Variants in CYP2F1 observed in about 807,000 individuals in gnomAD.
The protein encoded by CYP2F1 is cytochrome P450 family 2 subfamily F member 1.
In CYP2F1, 33 loss-of-function variants were observed where a neutral mutation model predicts 40.4. The ratio of observed to expected loss-of-function variants is 0.82; its 90% CI spans 0.62 to 1.09. The LOEUF is 1.09. Among genes scored for constraint, CYP2F1 ranks in the 50% least tolerant of loss-of-function variants. The pLI is 0.00. For missense variants in CYP2F1, 566 were observed against 655.7 expected (o/e 0.86, Z 1.49); for synonymous variants, 235 against 277.2 (o/e 0.85, Z 1.51).
At chr19:41,126,522 C>T (rs1365448624) in intron 9 of CYP2F1, among the ~76,000 whole-genome samples, 3 of 151,904 alleles carry the variant, frequency 2.0e-5, no homozygotes, top group Non-Finnish European at 2.9e-5. Context: ...GAGGCTGAGG[C>T]GGGAGGATCG....
intron 9 of CYP2F1, among the ~76,000 whole-genome samples, chr19:41,126,702 A>G (rs2032558690): frequency 6.6e-6 from 1 of 152,062 alleles, no homozygotes; most frequent in Non-Finnish European, 1.5e-5. Context: ...TACAGTGAGT[A>G]TGATCATGCC....
At chr19:41,124,654 T>TA in intron 7 of CYP2F1, 65 bp from the exon 8 acceptor site, 1 of 1,459,350 alleles carries the variant, frequency 6.9e-7, no homozygotes, top group Non-Finnish European at 9.3e-7. Context: ...ACACACCTCT[T>TA]ATCAGCCTGG....
intron 3 of CYP2F1, among the ~76,000 whole-genome samples, chr19:41,117,858 A>G (rs111856649): frequency 8.2e-6 from 1 of 122,336 alleles, no homozygotes; most frequent in African/African-American, 3.0e-5. Flanking sequence ...TTATTTATTT[A>G]TTTATTTTTG....
At chr19:41,116,120 A>T in intron 1 of CYP2F1, 58 bp from the exon 2 acceptor site, 2 of 1,425,196 alleles carry the variant, frequency 1.4e-6, no homozygotes, top group Admixed American at 2.1e-5. Context: ...GTCCCAGGGG[A>T]GATGGAAAGG....
intron 6 of CYP2F1, 70 bp from the exon 7 acceptor site, chr19:41,122,752 G>A: frequency 1.4e-6 from 2 of 1,432,650 alleles, no homozygotes; most frequent in Non-Finnish European, 1.8e-6. Flanking sequence ...GCCCCCAGCA[G>A]CAGTTGTACT....
At position 41,124,725 on chromosome 19, in the gene CYP2F1, T is replaced by A; in HGVS notation, c.971T>A (p.Val324Glu). The A allele has an allele frequency of 6.2e-7, 1 of 1,601,736 alleles. No individual in the cohort carries two copies. Among genetic ancestry groups the A allele is most frequent in the Non-Finnish European group, 8.5e-7 (1 of 1,179,100 alleles). Residue 324 changes from valine (V) to glutamate (E), a missense_variant, in exon 8 of 10, where the codon GTG (valine) becomes GAG (glutamate). This residue lies in a region of CYP2F1 where 128 missense variants were observed against 121.0 expected (regional missense o/e 1.06). Coordinates refer to ENST00000331105, the MANE Select transcript of CYP2F1 (RefSeq NM_000774.5). ...LMKYPKVQARVQEEIDLVVGR... is the reference protein window; with the variant it reads ...LMKYPKVQAREQEEIDLVVGR... ...CTTCCCGCTTCCTCTCCAGCCCGCGTGCAGGAGGAGATCGACCTCGTGGTG... is the reference window on the plus strand; with the variant it reads ...CTTCCCGCTTCCTCTCCAGCCCGCGAGCAGGAGGAGATCGACCTCGTGGTG...
At chr19:41,119,740 TATATATATACACACACACACAC>T (rs2032056336) in intron 3 of CYP2F1, among the ~76,000 whole-genome samples, 1 of 73,452 alleles carries the variant, frequency 1.4e-5, no homozygotes, top group African/African-American at 5.2e-5. Flanking sequence ...TATATATATA[TATATATATACACACACACACAC>T]ACACACACAC....
chr19:41,116,090 C>A, intron 1 of CYP2F1, 88 bp from the exon 2 acceptor site: 2 of 1,292,938 alleles, frequency 1.5e-6, no homozygotes, highest in Non-Finnish European at 2.1e-6. Flanking sequence ...GCCTTCATTT[C>A]CAGGGCCTAG....
intron 8 of CYP2F1, 21 bp downstream of exon 8, chr19:41,124,927 G>C: frequency 6.3e-7 from 1 of 1,580,640 alleles, no homozygotes; most frequent in South Asian, 1.1e-5. Flanking sequence ...CCTGGCAAAC[G>C]ACATCAGGCA....
intron 7 of CYP2F1, among the ~76,000 whole-genome samples, chr19:41,123,682 A>T (rs941221591): frequency 3.3e-5 from 5 of 151,030 alleles, no homozygotes; most frequent in African/African-American, 1.2e-4. Context: ...CACTCAATAC[A>T]CTCAGCTAAT....
intron 3 of CYP2F1, among the ~76,000 whole-genome samples, chr19:41,118,671 G>A (rs1208831082): frequency 1.3e-5 from 2 of 152,136 alleles, no homozygotes; most frequent in African/African-American, 4.8e-5. Context: ...ACCAAAAATA[G>A]CCACCATCTA....
At chr19:41,120,530 G>C in intron 4 of CYP2F1, 34 bp downstream of exon 4, 1 of 1,587,352 alleles carries the variant, frequency 6.3e-7, no homozygotes, top group Non-Finnish European at 8.5e-7. Context: ...TGGATGGCAC[G>C]ATCTTTTTTT....
At chr19:41,125,802 A>G (rs2032522392) in intron 9 of CYP2F1, 168 bp downstream of exon 9, 1 of 1,463,590 alleles carries the variant, frequency 6.8e-7, no homozygotes, top group South Asian at 1.2e-5. Context: ...AGTAGTGACT[A>G]AAATCCTCGT....
chr19:41,114,831 T>C (rs2031697835), intron 1 of CYP2F1, among the ~76,000 whole-genome samples: 1 of 145,550 alleles, frequency 6.9e-6, no homozygotes, highest in African/African-American at 2.6e-5. Flanking sequence ...GTGCAGTGGT[T>C]CAATCTCAGC....
chr19:41,116,331 C>A lies in CYP2F1; in HGVS notation c.143C>A (p.Ser48Tyr). Residue 48 changes from serine to tyrosine, a missense_variant, in exon 2 of 10, where the codon TCC becomes TAC. Physicochemically the swap from Ser to Tyr is moderately radical, Grantham distance 144. Around this residue, in one of 5 missense-constraint regions of CYP2F1, gnomAD observed 264 missense variants for 275.7 expected, o/e 0.96. Transcript: ENST00000331105. Reference sequence around the variant, plus strand: ...CTGGGAAACCTGCTGCTGCTTTGCTCCCAAGACATGCTGACTTCTCTCACT... The same window carrying A: ...CTGGGAAACCTGCTGCTGCTTTGCTACCAAGACATGCTGACTTCTCTCACT... ...SILGNLLLLC[S>Y]QDMLTSLTKL... The A allele has an allele frequency of 6.2e-7, 1 of 1,614,122 alleles. No individual in the cohort carries two copies. Among genetic ancestry groups the A allele is most frequent in the Non-Finnish European group, 8.5e-7 (1 of 1,180,000 alleles).
intron 6 of CYP2F1, among the ~76,000 whole-genome samples, chr19:41,122,547 TCATACATACATACACA>T (rs1555720371): frequency 1.2e-3 from 187 of 151,210 alleles, no homozygotes; most frequent in African/African-American, 4.0e-3. Flanking sequence ...CATACATACA[TCATACATACATACACA>T]CATACATACA....
chr19:41,115,116 TG>T (rs530644443), intron 1 of CYP2F1, among the ~76,000 whole-genome samples: 29 of 152,066 alleles, frequency 1.9e-4, no homozygotes, highest in African/African-American at 7.0e-4. Flanking sequence ...TCTCTTTGTG[TG>T]GCTCTAATAT....
intron 4 of CYP2F1, among the ~76,000 whole-genome samples, chr19:41,121,246 G>C (rs1370363632): frequency 6.6e-6 from 1 of 152,000 alleles, no homozygotes; most frequent in Non-Finnish European, 1.5e-5. Flanking sequence ...TCGATGTGCT[G>C]CAGGAAGTTG....
chr19:41,116,135 A>ATCTCACTCTCTCC (rs111706941), intron 1 of CYP2F1, 43 bp from the exon 2 acceptor site: 76,287 of 1,548,236 alleles, frequency 0.049, 2,196 homozygotes, highest in Admixed American at 0.11. Context: ...GAAAGGAGGG[A>ATCTCACTCTCTCC]TCAGCGATGT....
Sources: allele counts gnomAD v4.1 joint callset (sites outside exome capture counted in the v4.1 genomes callset), GRCh38; gene constraint gnomAD v4.1.1; regional missense constraint gnomAD v4.1.1; transcripts MANE v1.5; gene names NCBI Gene and HGNC (gene_info 2026-07-23, HGNC 2026-07-21).